Variants in EEFSEC observed in about 807,000 individuals in gnomAD.
EEFSEC encodes eukaryotic elongation factor, selenocysteine-tRNA specific.
Under a neutral mutation model 42.1 loss-of-function variants are expected in EEFSEC, and 43 were observed. That is an observed-to-expected ratio of 1.02 (90% confidence interval 0.80 to 1.32). The LOEUF is 1.32. Among genes scored for constraint, EEFSEC ranks in the 40% most tolerant of loss-of-function variants. The pLI is 0.00. For missense variants in EEFSEC, 745 were observed against 803.6 expected (o/e 0.93, Z 0.88); for synonymous variants, 354 against 339.1 (o/e 1.04, Z -0.48).
intron 4 of EEFSEC, among the ~76,000 whole-genome samples, chr3:128,265,765 T>A (rs1039134369): frequency 2.0e-5 from 3 of 152,144 alleles, no homozygotes; most frequent in African/African-American, 7.2e-5. Context: ...GCTCACTAGG[T>A]GTGTTGGTTA....
intron 1 of EEFSEC, among the ~76,000 whole-genome samples, chr3:128,241,314 A>G (rs1489743697): frequency 6.9e-6 from 1 of 144,232 alleles, no homozygotes; most frequent in African/African-American, 2.6e-5. Flanking sequence ...GGCTTAGGTG[A>G]TTATCCTACC....
chr3:128,246,031 C>T (rs2066123256), intron 1 of EEFSEC, among the ~76,000 whole-genome samples: 1 of 152,214 alleles, frequency 6.6e-6, no homozygotes, highest in South Asian at 2.1e-4. Flanking sequence ...TATATTCCTG[C>T]AGTACGAAGT....
chr3:128,206,987 C>G (rs2065703960), intron 1 of EEFSEC, among the ~76,000 whole-genome samples: 1 of 152,186 alleles, frequency 6.6e-6, no homozygotes, highest in Non-Finnish European at 1.5e-5. Flanking sequence ...TGCAGCACTT[C>G]TGCCTGCAGC....
At chr3:128,174,049 C>T in intron 1 of EEFSEC, among the ~76,000 whole-genome samples, 1 of 152,170 alleles carries the variant, frequency 6.6e-6, no homozygotes, top group Admixed American at 6.5e-5. Context: ...GGCACTATGA[C>T]AAGGCTAGAA....
At chr3:128,403,337 C>A (rs2068070445) in intron 6 of EEFSEC, among the ~76,000 whole-genome samples, 1 of 152,174 alleles carries the variant, frequency 6.6e-6, no homozygotes, top group Non-Finnish European at 1.5e-5. Context: ...GGCTGTGAGC[C>A]AGGGGCAAGC....
intron 1 of EEFSEC, among the ~76,000 whole-genome samples, chr3:128,224,147 GC>G (rs1346445011): frequency 3.3e-5 from 5 of 152,256 alleles, no homozygotes; most frequent in African/African-American, 1.2e-4. Context: ...CAATGAACCT[GC>G]TTAAGCCTGG....
chr3:128,217,682 G>GC (rs377135369), intron 1 of EEFSEC, among the ~76,000 whole-genome samples: 13 of 152,250 alleles, frequency 8.5e-5, no homozygotes, highest in African/African-American at 2.2e-4. Context: ...CATAGCACCA[G>GC]CCCCCCCTGG....
intron 4 of EEFSEC, among the ~76,000 whole-genome samples, chr3:128,282,743 G>A (rs1325125429): frequency 6.6e-6 from 1 of 152,202 alleles, no homozygotes; most frequent in East Asian, 1.9e-4. Flanking sequence ...TACCTCCTGG[G>A]AGAGGCAACC....
At chr3:128,412,695 T>TA (rs2068182304), downstream of EEFSEC, among the ~76,000 whole-genome samples, 1 of 152,056 alleles carries the variant, frequency 6.6e-6, no homozygotes, top group African/African-American at 2.4e-5. Flanking sequence ...CAGCCCAGAT[T>TA]AAAAAGAGTA....
At chr3:128,204,691 G>C (rs549079928) in intron 1 of EEFSEC, among the ~76,000 whole-genome samples, 1 of 152,230 alleles carries the variant, frequency 6.6e-6, no homozygotes, top group South Asian at 2.1e-4. Context: ...CTGGACAGCA[G>C]CAGGATGTGT....
chr3:128,335,507 C>T, intron 4 of EEFSEC, among the ~76,000 whole-genome samples: 1 of 152,146 alleles, frequency 6.6e-6, no homozygotes, highest in East Asian at 1.9e-4. Context: ...GCAAGGCCCA[C>T]ATGACTGAAG....
At chr3:128,168,268 TGGGAGGCCACA>T (rs2107771939) in intron 1 of EEFSEC, among the ~76,000 whole-genome samples, 1 of 152,286 alleles carries the variant, frequency 6.6e-6, no homozygotes, top group South Asian at 2.1e-4. Flanking sequence ...AGCTGTCCAG[TGGGAGGCCACA>T]GCTTTGCCCA....
chr3:128,160,791 C>A (rs143459512), intron 1 of EEFSEC, among the ~76,000 whole-genome samples: 1 of 151,942 alleles, frequency 6.6e-6, no homozygotes, highest in South Asian at 2.1e-4. Context: ...CCACTGTGTG[C>A]GCACACACAC....
the EEFSEC span, among the ~76,000 whole-genome samples, chr3:128,423,978 G>A: frequency 6.6e-6 from 1 of 152,190 alleles, no homozygotes; most frequent in African/African-American, 2.4e-5. Context: ...TTGCCTGGGG[G>A]GGTGATGGGG....
chr3:128,223,275 G>T (rs1263485738), intron 1 of EEFSEC, among the ~76,000 whole-genome samples: 1 of 152,182 alleles, frequency 6.6e-6, no homozygotes, highest in South Asian at 2.1e-4. Context: ...TCTTCATTTG[G>T]CTGGTCCTGA....
intron 5 of EEFSEC, among the ~76,000 whole-genome samples, chr3:128,348,259 T>TGTGTGTGC (rs2067337605): frequency 7.5e-6 from 1 of 133,642 alleles, no homozygotes; most frequent in Admixed American, 7.5e-5. Flanking sequence ...CATGCGTGTG[T>TGTGTGTGC]GTGTGTGTGT....
At chr3:128,193,994 A>G (rs1185400708) in intron 1 of EEFSEC, among the ~76,000 whole-genome samples, 9 of 82,764 alleles carry the variant, frequency 1.1e-4, no homozygotes, top group Admixed American at 8.1e-4. Flanking sequence ...AGGGAAGACC[A>G]TCTTCCCCCA....
At chr3:128,330,099 G>T (rs916732631) in intron 4 of EEFSEC, among the ~76,000 whole-genome samples, 2 of 152,216 alleles carry the variant, frequency 1.3e-5, no homozygotes, top group African/African-American at 4.8e-5. Context: ...GAAAACAGAA[G>T]AATCCAGCAT....
intron 1 of EEFSEC, among the ~76,000 whole-genome samples, chr3:128,210,249 G>C (rs2065742594): frequency 6.6e-6 from 1 of 152,204 alleles, no homozygotes; most frequent in Non-Finnish European, 1.5e-5. Flanking sequence ...GACTTGGCTT[G>C]GTCTCCTGGA....
Sources: gnomAD v4.1 joint callset for allele counts (sites outside exome capture counted in the v4.1 genomes callset) on GRCh38, gnomAD v4.1.1 for gene constraint, MANE v1.5 for transcripts, NCBI Gene and HGNC (gene_info 2026-07-23, HGNC 2026-07-21) for gene names.